The following THRB variants were observed in gnomAD, a reference collection of about 807,000 sequenced individuals.
THRB encodes thyroid hormone receptor beta, also known as nuclear receptor subfamily 1 group A member 2.
A neutral mutation model predicts 47.8 loss-of-function variants in THRB; 12 were observed. The observed-to-expected ratio is 0.25, with a 90% CI of 0.16 to 0.41. The LOEUF is 0.41. Among genes scored for constraint, THRB ranks in the 10% least tolerant of loss-of-function variants. The probability of loss-of-function intolerance (pLI) is 1.00; values close to 1 mark genes in which losing one functional copy is unlikely to be tolerated. For missense variants in THRB, 348 were observed against 589.2 expected, an observed-to-expected ratio of 0.59 and a Z score of 4.24; for synonymous variants, 218 against 212.2, an observed-to-expected ratio of 1.03 and a Z score of -0.24.
intron 2 of THRB, among the ~76,000 whole-genome samples, chr3:24,316,144 T>C (rs2058096756): frequency 6.6e-6 from 1 of 152,138 alleles, no homozygotes; most frequent in Non-Finnish European, 1.5e-5. Context: ...CAATGCCCCC[T>C]AAATGAAGTC....
At position 24,352,491 on chromosome 3, in the gene THRB, C is replaced by T. The variant is rs545269488; in HGVS notation, c.-260-15120G>A. On this transcript the variant is annotated intron_variant, in intron 1 of 10. Transcript: ENST00000646209. ...AAGGAATGTAACAGGGCTTAATGGA[C>T]CAGAAGCCAAAAATGCAGTCTAAGA... Among the ~76,000 whole-genome samples, 17 of 152,192 alleles carry T rather than the reference C, an allele frequency of 1.1e-4. 1 individual carries two copies. The South Asian group carries it at 2.7e-3, about 24-fold the overall frequency.
intron 5 of THRB, among the ~76,000 whole-genome samples, chr3:24,175,774 A>C (rs1412490088): frequency 6.6e-6 from 1 of 152,204 alleles, no homozygotes; most frequent in Non-Finnish European, 1.5e-5. Flanking sequence ...TTGGCTACAT[A>C]ATAATGATGA....
At chr3:24,406,362 G>T (rs138440722) in intron 1 of THRB, among the ~76,000 whole-genome samples, 264 of 151,734 alleles carry the variant, frequency 1.7e-3, no homozygotes, top group African/African-American at 6.0e-3. Context: ...ATTAAATCAA[G>T]TACTTTGGTC....
At chr3:24,253,382 C>G (rs1469249691) in intron 3 of THRB, among the ~76,000 whole-genome samples, 1 of 152,116 alleles carries the variant, frequency 6.6e-6, no homozygotes, top group African/African-American at 2.4e-5. Context: ...AATGGAGATA[C>G]AGCATTGAAC....
chr3:24,128,863 C>CTTTTTTTTTTTTTTTTTTT (rs57890674), intron 9 of THRB, among the ~76,000 whole-genome samples: 6 of 87,042 alleles, frequency 6.9e-5, no homozygotes, highest in Non-Finnish European at 1.4e-4. Flanking sequence ...AAACATAACT[C>CTTTTTTTTTTTTTTTTTTT]TTTTTTTTTT....
chr3:24,387,621 T>A (rs1439629506), intron 1 of THRB, among the ~76,000 whole-genome samples: 1 of 152,160 alleles, frequency 6.6e-6, no homozygotes, highest in African/African-American at 2.4e-5. Flanking sequence ...AGTAGCTTGG[T>A]GCCTGGCATG....
At chr3:24,389,997 G>T (rs1269531704) in intron 1 of THRB, among the ~76,000 whole-genome samples, 3 of 152,052 alleles carry the variant, frequency 2.0e-5, no homozygotes, top group African/African-American at 7.2e-5. Flanking sequence ...GTGACAGAGG[G>T]GACAATCTGC....
In THRB at chr3:24,477,007, A is replaced by ATTTTTTTTTTTTTTTTTTTTTTTTTTT. The variant is rs558247174; in HGVS notation, c.-261+17644_-261+17645insAAAAAAAAAAAAAAAAAAAAAAAAAAA. ...GGTATTTATGGTAGTGGTTTTCAAG[A>ATTTTTTTTTTTTTTTTTTTTTTTTTTT]TTTTTTTTTTTTTTTTTTACTGTAA... On this transcript the variant is annotated intron_variant, in intron 1 of 10. Transcript: ENST00000646209. Among the ~76,000 whole-genome samples, 23 of 126,464 alleles carry ATTTTTTTTTTTTTTTTTTTTTTTTTTT rather than the reference A, an allele frequency of 1.8e-4. 1 individual carries two copies. Among genetic ancestry groups the ATTTTTTTTTTTTTTTTTTTTTTTTTTT allele is most frequent in the African/African-American group, 7.1e-4 (23 of 32,312 alleles). The allele number at this position is 126,464 out of a possible 152,430, so 83.0% of individuals were successfully genotyped here.
chr3:24,129,766 G>A (rs1174914925), intron 9 of THRB, among the ~76,000 whole-genome samples: 1 of 130,494 alleles, frequency 7.7e-6, no homozygotes, highest in Non-Finnish European at 1.7e-5. Context: ...TTCCTTAGGA[G>A]AGCATCACTC....
At chr3:24,174,908 G>A (rs2040939043) in intron 5 of THRB, among the ~76,000 whole-genome samples, 1 of 152,174 alleles carries the variant, frequency 6.6e-6, no homozygotes, top group Non-Finnish European at 1.5e-5. Flanking sequence ...CTCAATGCAT[G>A]CAAATACCAT....
At chr3:24,258,778 A>C (rs2051601166) in intron 3 of THRB, among the ~76,000 whole-genome samples, 1 of 152,162 alleles carries the variant, frequency 6.6e-6, no homozygotes, top group African/African-American at 2.4e-5. Flanking sequence ...CTTTTTCAAC[A>C]GGAAGTCATT....
At chr3:24,124,673 C>T (rs7609948) in intron 10 of THRB, among the ~76,000 whole-genome samples, 36,670 of 152,090 alleles carry the variant, frequency 0.24, 4,585 homozygotes, top group South Asian at 0.28. Flanking sequence ...AGATCATTTT[C>T]ATTTTTTCTC....
At chr3:24,193,161 G>A (rs916059715) in intron 4 of THRB, among the ~76,000 whole-genome samples, 8 of 152,186 alleles carry the variant, frequency 5.3e-5, no homozygotes, top group African/African-American at 1.2e-4. Flanking sequence ...ATGGTCTTCA[G>A]TAATTTCCTA....
intron 5 of THRB, among the ~76,000 whole-genome samples, chr3:24,162,357 C>A (rs1321981794): frequency 2.6e-5 from 4 of 152,096 alleles, no homozygotes; most frequent in Non-Finnish European, 5.9e-5. Flanking sequence ...CAGCACTGGC[C>A]CCGTGAGGAC....
rs547729120 is a variant in THRB, at chr3:24,332,876, G to A, written c.-189+4424C>T. On this transcript the variant is annotated intron_variant, in intron 2 of 10. Transcript: ENST00000646209. ...TCGAGACCATCCTGGCTAACATGGT[G>A]AAACCCCATCTCTACTAAAAATACA... Among the ~76,000 whole-genome samples the A allele has an allele frequency of 2.0e-4, 30 of 152,258 alleles. 1 individual carries two copies. The South Asian group carries it at 6.0e-3, about 31-fold the overall frequency.
At chr3:24,153,019 A>C (rs906292136) in intron 5 of THRB, among the ~76,000 whole-genome samples, 8 of 150,494 alleles carry the variant, frequency 5.3e-5, no homozygotes, top group South Asian at 2.1e-4. Context: ...AGCTGTGATC[A>C]CTTGCTGTGC....
At chr3:24,255,776 G>C (rs574183757) in intron 3 of THRB, among the ~76,000 whole-genome samples, 1 of 152,220 alleles carries the variant, frequency 6.6e-6, no homozygotes, top group African/African-American at 2.4e-5. Flanking sequence ...GAGACTGGCC[G>C]GGCAGGGCCT....
intron 1 of THRB, among the ~76,000 whole-genome samples, chr3:24,476,731 A>C (rs1390837879): frequency 6.6e-6 from 1 of 152,186 alleles, no homozygotes; most frequent in Non-Finnish European, 1.5e-5. Context: ...TGAGTGTTTC[A>C]TTAAAGGTAT....
intron 1 of THRB, among the ~76,000 whole-genome samples, chr3:24,339,469 G>T (rs146896778): frequency 6.6e-6 from 1 of 152,076 alleles, no homozygotes; most frequent in Non-Finnish European, 1.5e-5. Context: ...GCCAAGAATC[G>T]CACCCAGGCA....
Sources: allele counts gnomAD v4.1 joint callset (sites outside exome capture counted in the v4.1 genomes callset), GRCh38; gene constraint gnomAD v4.1.1; transcripts MANE v1.5; gene names NCBI Gene and HGNC (gene_info 2026-07-23, HGNC 2026-07-21).